SLC26A4: variants seen among roughly 807,000 people sequenced by gnomAD.
The protein encoded by SLC26A4 is pendrin.
Under a neutral mutation model 90.4 loss-of-function variants are expected in SLC26A4, and 93 were observed. The ratio of observed to expected loss-of-function variants is 1.03; its 90% CI spans 0.87 to 1.22. The LOEUF is 1.22. Among genes scored for constraint, SLC26A4 ranks in the 50% most tolerant of loss-of-function variants. SLC26A4 has a pLI of 0.00. For synonymous variants in SLC26A4, 393 were observed against 354.6 expected, an observed-to-expected ratio of 1.11 and a Z score of -1.22; for missense variants, 1,127 against 946.2, an observed-to-expected ratio of 1.19 and a Z score of -2.51.
chr7:107,687,886 A>G (rs1791462189), intron 8 of SLC26A4, among the ~76,000 whole-genome samples: 1 of 152,176 alleles, frequency 6.6e-6, no homozygotes, highest in East Asian at 1.9e-4. Flanking sequence ...CTGTTGGATC[A>G]GGGTTTCCAA....
At chr7:107,702,963 A>C (rs1791938652) in intron 17 of SLC26A4, among the ~76,000 whole-genome samples, 1 of 152,180 alleles carries the variant, frequency 6.6e-6, no homozygotes, top group South Asian at 2.1e-4. Context: ...AGAGTTGAGG[A>C]GTATGCAGGA....
intron 19 of SLC26A4, 144 bp from the exon 20 acceptor site, chr7:107,712,395 A>T (rs769123358): frequency 1.3e-5 from 8 of 627,988 alleles, no homozygotes; most frequent in Non-Finnish European, 2.3e-5. Flanking sequence ...TTAGTTGGGA[A>T]ATATAAAAGA....
At chr7:107,713,605 C>A (rs781114890) in intron 20 of SLC26A4, among the ~76,000 whole-genome samples, 22 of 152,154 alleles carry the variant, frequency 1.4e-4, no homozygotes, top group Non-Finnish European at 3.2e-4. Context: ...GACACAAAAC[C>A]CTAAATGCGG....
Position 107,683,239 on chromosome 7 carries a change from A to G in SLC26A4, c.803A>G (p.Asn268Ser), listed in dbSNP as rs200431470. 1.9e-5 allele frequency: 31 copies of G among 1,612,840 alleles called. No individual in the cohort carries two copies. Among genetic ancestry groups the G allele is most frequent in the Admixed American group, 1.2e-4 (7 of 59,988 alleles). The change falls in exon 7 of 21, where the codon AAT becomes AGT. Residue 268 changes from asparagine to serine, a missense_variant. Transcript: ENST00000644269. ...ATTTTTCAAAATATTGGTGATACCA[A>G]TCTTGCTGATTTCACTGCTGGATTG... is the stretch of plus-strand genomic sequence containing the variant. ...VEIFQNIGDTNLADFTAGLLT... is the reference protein window; with the variant it reads ...VEIFQNIGDTSLADFTAGLLT...
chr7:107,664,670 G>A (rs2712227), intron 3 of SLC26A4, among the ~76,000 whole-genome samples: 52,139 of 152,182 alleles, frequency 0.34, 10,941 homozygotes, highest in South Asian at 0.63. Context: ...ATTTTAATGT[G>A]TGGGAAAATG....
rs1165230510 is a variant in SLC26A4, at chr7:107,715,739, A to G, written c.*293A>G. The stretch of plus-strand genomic sequence containing the variant: ...ATAATGTTCACGTGGGCCCTGGCAT[A>G]TCTCTGTTCAGTTAGAGTGAGTGCT... On this transcript the variant is annotated 3_prime_UTR_variant, in exon 21 of 21. Transcript: ENST00000644269. 2.9e-5 allele frequency: 14 copies of G among 478,332 alleles called. No homozygotes were observed. Among genetic ancestry groups the G allele is most frequent in the African/African-American group, 2.1e-4 (11 of 51,632 alleles). 29.6% of individuals were successfully genotyped at this position (478,332 alleles called of 1,614,324 possible). A position where few individuals can be genotyped will look rare whatever the true frequency, so the allele number is the denominator to read the frequency against.
At chr7:107,671,985 T>C (rs931036222) in intron 3 of SLC26A4, among the ~76,000 whole-genome samples, 153 bp from the exon 4 acceptor site, 2 of 152,222 alleles carry the variant, frequency 1.3e-5, no homozygotes, top group African/African-American at 4.8e-5. Flanking sequence ...ACAGAATGGT[T>C]GTATGGTTAC....
Position 107,661,792 on chromosome 7 carries a change from G to A in SLC26A4, c.151G>A (p.Ala51Thr). Reference sequence around the variant, plus strand: ...GCGCAAGACGCTGCGGGAGAGCCTGGCCAAGTGCTGCAGGTAGCGGCCGCG... The same window carrying A: ...GCGCAAGACGCTGCGGGAGAGCCTGACCAAGTGCTGCAGGTAGCGGCCGCG... ...QERKTLRESL[A>T]KCCSCSRKRA... Residue 51 changes from alanine (A) to threonine (T), a missense_variant, in exon 2 of 21, where the codon GCC becomes ACC. Ala to Thr is a moderately conservative substitution (Grantham distance 58, BLOSUM62 0). Transcript: ENST00000644269. This position sits in a 1 kb window ranked among gnomAD's most constrained non-coding sequence, Gnocchi z 5.1. 1 of 1,537,948 alleles carries A rather than the reference G, an allele frequency of 6.5e-7. No individual in the cohort carries two copies. Among genetic ancestry groups the A allele is most frequent in the South Asian group, 1.2e-5 (1 of 83,988 alleles).
At position 107,663,291 on chromosome 7, in the gene SLC26A4, G is replaced by A; in HGVS notation, c.165-5G>A. 1 of 1,614,150 alleles carries A rather than the reference G, an allele frequency of 6.2e-7. No homozygotes were observed. The highest frequency in any genetic ancestry group is 1.7e-4 in the Middle Eastern group (1 of 6,060). ...TGAAAACCCAGTTTTCTTGCTTTTT[G>A]ACAGTTGTTCAAGAAAGAGAGCCTT... On this transcript the variant is annotated splice_region_variant and splice_polypyrimidine_tract_variant and intron_variant, in intron 2 of 20. Transcript: ENST00000644269.
At chr7:107,662,693 T>C (rs1233797347) in intron 2 of SLC26A4, among the ~76,000 whole-genome samples, 1 of 152,216 alleles carries the variant, frequency 6.6e-6, no homozygotes, top group African/African-American at 2.4e-5. Context: ...AATTGAGTCA[T>C]TATTAAAATG....
At position 107,715,742 on chromosome 7, in the gene SLC26A4, T is replaced by C. The variant is rs922844957; in HGVS notation, c.*296T>C. 2.9e-5 allele frequency: 14 copies of C among 475,110 alleles called. No homozygotes were observed. The highest frequency in any genetic ancestry group is 2.7e-4 in the African/African-American group (14 of 51,544). 29.4% of individuals were successfully genotyped at this position (475,110 alleles called of 1,614,324 possible). ...ATGTTCACGTGGGCCCTGGCATATC[T>C]CTGTTCAGTTAGAGTGAGTGCTGAC... On this transcript the variant is annotated 3_prime_UTR_variant, in exon 21 of 21. Transcript: ENST00000644269.
chr7:107,688,955 T>C lies in SLC26A4; in HGVS notation c.1002-98T>C, dbSNP rs141509529. 5.6e-6 allele frequency: 7 copies of C among 1,238,962 alleles called. No homozygotes were observed. In the African/African-American group the frequency reaches 1.0e-4, roughly 18 times the overall value. 76.7% of individuals were successfully genotyped at this position (1,238,962 alleles called of 1,614,324 possible). A position where few individuals can be genotyped will look rare whatever the true frequency, so the allele number is the denominator to read the frequency against. On this transcript the variant is annotated intron_variant, in intron 8 of 20. Coordinates refer to ENST00000644269, the MANE Select transcript of SLC26A4 (RefSeq NM_000441.2). ...TGTTCTTTTGGATCAAGTACTTTCA[T>C]GTCTAATATGTGACTGAGCAGATAT... is the stretch of plus-strand genomic sequence containing the variant.
intron 14 of SLC26A4, among the ~76,000 whole-genome samples, chr7:107,698,337 T>C (rs1791798731): frequency 6.6e-6 from 1 of 152,020 alleles, no homozygotes; most frequent in South Asian, 2.1e-4. Context: ...TTTTTCTTTT[T>C]AGATGGAGTC....
Position 107,672,027 on chromosome 7 carries a change from C to A in SLC26A4, c.305-111C>A, listed in dbSNP as rs193251691. Reference sequence around the variant, plus strand: ...TATGGTTTCTACTGAATGCATATTGCTTTTGCATCATCATAAAGGCAAAGT... The same window carrying A: ...TATGGTTTCTACTGAATGCATATTGATTTTGCATCATCATAAAGGCAAAGT... On this transcript the variant is annotated intron_variant, in intron 3 of 20. Transcript: ENST00000644269. 74 of 737,206 alleles carry A rather than the reference C, an allele frequency of 1.0e-4. No individual in the cohort carries two copies. The East Asian group carries it at 1.3e-3, about 12-fold the overall frequency. 45.7% of individuals were successfully genotyped at this position (737,206 alleles called of 1,614,324 possible).
At chr7:107,706,597 C>T (rs146383375) in intron 18 of SLC26A4, among the ~76,000 whole-genome samples, 1,552 of 152,296 alleles carry the variant, frequency 0.01, 28 homozygotes, top group African/African-American at 0.035. Context: ...GTTACTGGGC[C>T]TCCCAGGAAG....
intron 6 of SLC26A4, among the ~76,000 whole-genome samples, chr7:107,681,857 G>A: frequency 6.6e-6 from 1 of 151,926 alleles, no homozygotes; most frequent in East Asian, 1.9e-4. Flanking sequence ...GGTTGGGCAG[G>A]AGGATTTCTT....
chr7:107,674,186 A>C lies in SLC26A4; in HGVS notation c.438A>C (p.Leu146Phe). The C allele has an allele frequency of 6.2e-7, 1 of 1,614,102 alleles. No individual in the cohort carries two copies. Among genetic ancestry groups the C allele is most frequent in the Non-Finnish European group, 8.5e-7 (1 of 1,179,998 alleles). ...CAGGACCTTTTCCAGTGGTGAGTTT[A>C]ATGGTGGGATCTGTTGTTCTGAGCA... ...ISVGPFPVVS[L>F]MVGSVVLSMA... is the part of the protein sequence containing the mutation. The change falls in exon 5 of 21, where the codon TTA becomes TTC. Residue 146 changes from leucine to phenylalanine, a missense_variant. Physicochemically the swap from Leu to Phe is conservative, Grantham distance 22. Coordinates refer to ENST00000644269, the MANE Select transcript of SLC26A4 (RefSeq NM_000441.2).
chr7:107,664,457 C>G (rs1790655640), intron 3 of SLC26A4, among the ~76,000 whole-genome samples: 1 of 152,020 alleles, frequency 6.6e-6, no homozygotes, highest in Non-Finnish European at 1.5e-5. Context: ...GTCTGGAACT[C>G]CTAACCTCAA....
intron 16 of SLC26A4, among the ~76,000 whole-genome samples, chr7:107,701,619 CAA>C: frequency 6.6e-6 from 1 of 152,228 alleles, no homozygotes; most frequent in East Asian, 1.9e-4. Flanking sequence ...ATCCAGAAAA[CAA>C]AAGTTTCCTG....
Sources: gnomAD v4.1 joint callset for allele counts (sites outside exome capture counted in the v4.1 genomes callset) on GRCh38, gnomAD v4.1.1 for gene constraint, Gnocchi (gnomAD v3.1) non-coding constraint, MANE v1.5 for transcripts, NCBI Gene and HGNC (gene_info 2026-07-23, HGNC 2026-07-21) for gene names.